The following NTM variants were observed in gnomAD, a reference collection of about 807,000 sequenced individuals.
NTM encodes the protein neurotrimin.
A neutral mutation model predicts 42.1 loss-of-function variants in NTM; 13 were observed. The observed-to-expected ratio is 0.31, with a 90% confidence interval of 0.20 to 0.49. The LOEUF is 0.49. NTM is among the 20% of genes least tolerant of loss of function. NTM has a pLI of 0.99. For missense variants in NTM, 373 were observed against 452.8 expected (o/e 0.82, Z 1.60); for synonymous variants, 187 against 179.2 (o/e 1.04, Z -0.35).
Position 132,132,203 on chromosome 11 carries a change from C to T in NTM, c.168-14079C>T, listed in dbSNP as rs1273253992. On this transcript the variant is annotated intron_variant, in intron 2 of 8. Transcript: ENST00000683400. ...AATCCCCGTCAGGATCCTGCCTGCTCCTTCCACCAGGGTGGGAACTACAGC... is the reference window on the plus strand; with the variant it reads ...AATCCCCGTCAGGATCCTGCCTGCTTCTTCCACCAGGGTGGGAACTACAGC... Among the ~76,000 whole-genome samples, 5 of 152,102 alleles carry T rather than the reference C, an allele frequency of 3.3e-5. No homozygotes were observed. In the East Asian group the frequency reaches 9.7e-4, roughly 29 times the overall value.
chr11:132,236,656 A>G (rs913471195), intron 4 of NTM, among the ~76,000 whole-genome samples: 11 of 152,214 alleles, frequency 7.2e-5, no homozygotes, highest in African/African-American at 2.4e-4. Context: ...AATCAAAATC[A>G]GAGGCAGGGA....
At chr11:131,378,126 G>T (rs946368527) in intron 1 of NTM, among the ~76,000 whole-genome samples, 5 of 152,198 alleles carry the variant, frequency 3.3e-5, no homozygotes, top group African/African-American at 1.2e-4. Context: ...AATTAAATCA[G>T]AATCCCTTTG....
intron 1 of NTM, among the ~76,000 whole-genome samples, chr11:131,519,277 G>A (rs2049294337): frequency 6.6e-6 from 1 of 152,238 alleles, no homozygotes; most frequent in Non-Finnish European, 1.5e-5. Flanking sequence ...GAGCTGTAGA[G>A]TTAGTTATGA....
chr11:131,955,559 A>G (rs1051870164), intron 2 of NTM, among the ~76,000 whole-genome samples: 1 of 152,230 alleles, frequency 6.6e-6, no homozygotes, highest in Admixed American at 6.5e-5. Flanking sequence ...CGTAGTTTTT[A>G]GGAAAGGTAA....
intron 1 of NTM, among the ~76,000 whole-genome samples, chr11:131,788,814 AC>A (rs1197748231): frequency 6.6e-6 from 1 of 151,984 alleles, no homozygotes; most frequent in Non-Finnish European, 1.5e-5. Flanking sequence ...CAGCATTTAG[AC>A]TTTTTTGGGG....
chr11:131,668,461 T>C (rs547688552), intron 1 of NTM, among the ~76,000 whole-genome samples: 1 of 152,188 alleles, frequency 6.6e-6, no homozygotes, highest in South Asian at 2.1e-4. Flanking sequence ...CACCTGCTTG[T>C]AGCTTTGAGT....
chr11:132,184,559 G>A (rs532630585), intron 3 of NTM, among the ~76,000 whole-genome samples: 50 of 152,262 alleles, frequency 3.3e-4, no homozygotes, highest in African/African-American at 8.4e-4. Context: ...CACTCCAGTC[G>A]TCCGGTCCTG....
chr11:131,776,899 A>G (rs980448581), intron 1 of NTM, among the ~76,000 whole-genome samples: 1 of 152,160 alleles, frequency 6.6e-6, no homozygotes, highest in South Asian at 2.1e-4. Flanking sequence ...AAGGTGGTAC[A>G]TATTACTTCT....
At chr11:132,004,160 G>A (rs941869406) in intron 2 of NTM, among the ~76,000 whole-genome samples, 5 of 152,138 alleles carry the variant, frequency 3.3e-5, no homozygotes, top group African/African-American at 1.2e-4. Context: ...AATGAGGGGG[G>A]CATTGGGAGA....
intron 1 of NTM, among the ~76,000 whole-genome samples, chr11:131,385,732 C>T (rs1591523805): frequency 6.6e-6 from 1 of 152,140 alleles, no homozygotes; most frequent in Non-Finnish European, 1.5e-5. Context: ...AGGTGCACAC[C>T]TGTAGTCCCA....
intron 1 of NTM, among the ~76,000 whole-genome samples, chr11:131,738,572 C>T (rs1032335031): frequency 1.2e-4 from 19 of 152,204 alleles, no homozygotes; most frequent in African/African-American, 4.6e-4. Context: ...GAGGAATTTT[C>T]AGGGAAACTG....
intron 1 of NTM, among the ~76,000 whole-genome samples, chr11:131,449,255 G>A (rs991807956): frequency 6.6e-6 from 1 of 152,194 alleles, no homozygotes; most frequent in Non-Finnish European, 1.5e-5. Flanking sequence ...GGGGACTGCT[G>A]GCTGTAGGCG....
At chr11:131,785,123 T>C (rs978439368) in intron 1 of NTM, among the ~76,000 whole-genome samples, 5 of 152,194 alleles carry the variant, frequency 3.3e-5, no homozygotes, top group African/African-American at 1.2e-4. Context: ...AAAGAAAACC[T>C]GCAAGACACA....
At chr11:131,675,195 A>G (rs2134701257) in intron 1 of NTM, among the ~76,000 whole-genome samples, 1 of 152,310 alleles carries the variant, frequency 6.6e-6, no homozygotes, top group African/African-American at 2.4e-5. Context: ...GTTTAGCAAG[A>G]CAGCAATTTC....
chr11:132,291,629 G>A (rs2094453320), intron 4 of NTM, among the ~76,000 whole-genome samples: 1 of 152,154 alleles, frequency 6.6e-6, no homozygotes, highest in Non-Finnish European at 1.5e-5. Context: ...TGTACAGTGA[G>A]ACAAGAATAC....
intron 1 of NTM, among the ~76,000 whole-genome samples, chr11:131,661,702 TG>T (rs1421964287): frequency 1.1e-4 from 17 of 152,210 alleles, no homozygotes; most frequent in African/African-American, 4.1e-4. Flanking sequence ...AGGCTAGTTT[TG>T]GCTTTCTACT....
At position 132,204,822 on chromosome 11, in the gene NTM, C is replaced by G. The variant is rs149626458; in HGVS notation, c.401-7200C>G. Among the ~76,000 whole-genome samples, 3 of 152,270 alleles carry G rather than the reference C, an allele frequency of 2.0e-5. No individual in the cohort carries two copies. In the East Asian group the frequency reaches 5.8e-4, roughly 29 times the overall value. On this transcript the variant is annotated intron_variant, in intron 3 of 8. Transcript: ENST00000683400. ...TCCTAACCAAGCACATTTGCCACAG[C>G]CTGAATCCCACCTGAACCACTCAAC...
intron 3 of NTM, among the ~76,000 whole-genome samples, chr11:132,172,727 G>A (rs915617913): frequency 6.6e-6 from 1 of 152,078 alleles, no homozygotes; most frequent in African/African-American, 2.4e-5. Context: ...TAGGACCCAG[G>A]GTCTTCAGGC....
intron 4 of NTM, among the ~76,000 whole-genome samples, chr11:132,270,330 C>G (rs2093416788): frequency 6.6e-6 from 1 of 152,130 alleles, no homozygotes; most frequent in African/African-American, 2.4e-5. Flanking sequence ...CTCCTGGGTT[C>G]AAGCGATTCT....
Sources: allele counts gnomAD v4.1 joint callset (sites outside exome capture counted in the v4.1 genomes callset), GRCh38; gene constraint gnomAD v4.1.1; transcripts MANE v1.5; gene names NCBI Gene and HGNC (gene_info 2026-07-23, HGNC 2026-07-21).